Variants in ADAMTS12 observed in about 807,000 individuals in gnomAD.
The protein encoded by ADAMTS12 is A disintegrin and metalloproteinase with thrombospondin motifs 12.
In ADAMTS12, 118 loss-of-function variants were observed where a neutral mutation model predicts 167.8. The ratio of observed to expected loss-of-function variants is 0.70; its 90% CI spans 0.61 to 0.82. The LOEUF (loss-of-function observed/expected upper bound fraction) is 0.82. ADAMTS12 is among the 40% of genes least tolerant of loss of function. The pLI, the probability that ADAMTS12 is intolerant of heterozygous loss-of-function variation, is 0.00. For synonymous variants in ADAMTS12, 704 were observed against 716.9 expected (o/e 0.98, Z 0.29); for missense variants, 1,916 against 1,998.8 (o/e 0.96, Z 0.79).
intron 16 of ADAMTS12, among the ~76,000 whole-genome samples, chr5:33,607,661 T>A (rs2112073399): frequency 6.6e-6 from 1 of 152,340 alleles, no homozygotes; most frequent in Non-Finnish European, 1.5e-5. Context: ...GTTTTTCCAT[T>A]TTTTGTGTGT....
chr5:33,531,997 T>C (rs1744125749), intron 23 of ADAMTS12, among the ~76,000 whole-genome samples: 1 of 152,170 alleles, frequency 6.6e-6, no homozygotes, highest in Admixed American at 6.5e-5. Context: ...TTCTCCCTAT[T>C]GCTGTGAAAC....
chr5:33,742,554 T>C (rs1744630161), intron 3 of ADAMTS12, among the ~76,000 whole-genome samples: 1 of 152,232 alleles, frequency 6.6e-6, no homozygotes, highest in Non-Finnish European at 1.5e-5. Context: ...CAGGTAAGAC[T>C]GATATCTACT....
chr5:33,862,974 C>T (rs1277258995), intron 2 of ADAMTS12, among the ~76,000 whole-genome samples: 1 of 152,112 alleles, frequency 6.6e-6, no homozygotes, highest in Non-Finnish European at 1.5e-5. Context: ...CAGAAAAGGC[C>T]TTCGATAAAA....
chr5:33,632,099 C>G (rs1486376908), intron 12 of ADAMTS12, among the ~76,000 whole-genome samples: 2 of 54,164 alleles, frequency 3.7e-5, no homozygotes, highest in Admixed American at 2.3e-4. Flanking sequence ...AGACTGAGGT[C>G]AAAAACATGT....
At chr5:33,620,081 A>G (rs1039576020) in intron 14 of ADAMTS12, among the ~76,000 whole-genome samples, 2 of 152,256 alleles carry the variant, frequency 1.3e-5, no homozygotes, top group African/African-American at 4.8e-5. Context: ...TGAAAGCTAC[A>G]TGAAAGATAA....
chr5:33,727,832 C>G (rs577429375), intron 3 of ADAMTS12, among the ~76,000 whole-genome samples: 3 of 152,262 alleles, frequency 2.0e-5, no homozygotes, highest in African/African-American at 7.2e-5. Flanking sequence ...TGGTATTTAT[C>G]GGTTTGCCTG....
intron 12 of ADAMTS12, among the ~76,000 whole-genome samples, chr5:33,635,846 A>T (rs1740167511): frequency 6.6e-6 from 1 of 152,204 alleles, no homozygotes; most frequent in Admixed American, 6.5e-5. Flanking sequence ...TCAGGTTAGC[A>T]GATAAGTCAT....
chr5:33,613,590 G>A (rs1230448843), intron 16 of ADAMTS12, among the ~76,000 whole-genome samples: 1 of 152,186 alleles, frequency 6.6e-6, no homozygotes, highest in Non-Finnish European at 1.5e-5. Context: ...TGTTTTGTAT[G>A]TCTTATGTAG....
chr5:33,582,437 C>T (rs1747114428), intron 18 of ADAMTS12, among the ~76,000 whole-genome samples: 2 of 152,210 alleles, frequency 1.3e-5, no homozygotes, highest in South Asian at 4.1e-4. Flanking sequence ...TCCCTCCATG[C>T]TCTCTTCCCT....
chr5:33,847,227 C>T (rs1420509582), intron 2 of ADAMTS12, among the ~76,000 whole-genome samples: 3 of 127,070 alleles, frequency 2.4e-5, no homozygotes, highest in Non-Finnish European at 3.5e-5. Flanking sequence ...TGGATCTTCA[C>T]GTATCCACAA....
intron 5 of ADAMTS12, among the ~76,000 whole-genome samples, chr5:33,677,369 T>C (rs1443318212): frequency 1.3e-5 from 2 of 152,168 alleles, no homozygotes; most frequent in Non-Finnish European, 2.9e-5. Context: ...ATTATCACTA[T>C]TTTACAAAAT....
intron 2 of ADAMTS12, among the ~76,000 whole-genome samples, chr5:33,848,821 A>G (rs574741141): frequency 1.2e-4 from 19 of 152,248 alleles, no homozygotes; most frequent in African/African-American, 4.3e-4. Flanking sequence ...AGAAAATATG[A>G]ATCTAGAACG....
chr5:33,680,513 T>TTC (rs1369272588), intron 5 of ADAMTS12, among the ~76,000 whole-genome samples: 1 of 50 alleles, frequency 0.02, no homozygotes, highest in East Asian at 0.5. Flanking sequence ...TTTCTTCTTC[T>TTC]TTTTTTTTGG....
rs78238111 is a variant in ADAMTS12 at position 33,839,441 on chromosome 5, T to C, written c.489+41678A>G. Among the ~76,000 whole-genome samples the C allele has an allele frequency of 7.9e-5, 12 of 152,326 alleles. No individual in the cohort carries two copies. In the East Asian group the frequency reaches 2.3e-3, roughly 29 times the overall value. ...TTTTATTGTCACGCTAATTGGTGTG[T>C]GTCCTTTCCACATCTGTGCATTACT... On this transcript the variant is annotated intron_variant, in intron 2 of 23. Transcript: ENST00000504830.
chr5:33,752,718 G>C (rs1745032268), intron 2 of ADAMTS12, among the ~76,000 whole-genome samples: 1 of 152,132 alleles, frequency 6.6e-6, no homozygotes, highest in African/African-American at 2.4e-5. Context: ...GGGGGGCTTA[G>C]GGAAACTGCA....
chr5:33,615,523 A>AAACCCGTGCCAC (rs1738958643), intron 15 of ADAMTS12, among the ~76,000 whole-genome samples: 1 of 152,198 alleles, frequency 6.6e-6, no homozygotes, highest in South Asian at 2.1e-4. Context: ...AGCTACTTGG[A>AAACCCGTGCCAC]AACCCGTGCC....
At chr5:33,642,590 C>CT (rs1466037169) in intron 10 of ADAMTS12, among the ~76,000 whole-genome samples, 1 of 152,178 alleles carries the variant, frequency 6.6e-6, no homozygotes, top group African/African-American at 2.4e-5. Flanking sequence ...AATCCACTCT[C>CT]TCCCCTCTTC....
intron 16 of ADAMTS12, among the ~76,000 whole-genome samples, chr5:33,609,389 G>A (rs1269308431): frequency 7.4e-6 from 1 of 134,748 alleles, no homozygotes; most frequent in Non-Finnish European, 1.6e-5. Context: ...TTTTTTTTTG[G>A]AGAGAGGTTC....
intron 3 of ADAMTS12, among the ~76,000 whole-genome samples, chr5:33,739,711 C>G (rs1431740149): frequency 6.6e-6 from 1 of 152,180 alleles, no homozygotes; most frequent in Admixed American, 6.5e-5. Context: ...TGAAGTTCTG[C>G]CGCCTCTTTA....
Sources: gnomAD v4.1 joint callset for allele counts (sites outside exome capture counted in the v4.1 genomes callset) on GRCh38, gnomAD v4.1.1 for gene constraint, MANE v1.5 for transcripts, NCBI Gene and HGNC (gene_info 2026-07-23, HGNC 2026-07-21) for gene names.